The following NTNG1 variants were observed in gnomAD, a reference collection of about 807,000 sequenced individuals.
The protein encoded by NTNG1 is netrin-G1.
Under a neutral mutation model 54.0 loss-of-function variants are expected in NTNG1, and 16 were observed. The ratio of observed to expected loss-of-function variants is 0.30; its 90% CI spans 0.20 to 0.45. The LOEUF (loss-of-function observed/expected upper bound fraction) is 0.45. NTNG1 is among the 20% of genes least tolerant of loss of function. The pLI is 1.00. For synonymous variants in NTNG1, 255 were observed against 263.1 expected (o/e 0.97, Z 0.30); for missense variants, 530 against 678.7 (o/e 0.78, Z 2.43).
In NTNG1 at chr1:107,311,100, C is replaced by T. The variant is rs542214750; in HGVS notation, c.247-13182C>T. On this transcript the variant is annotated intron_variant, in intron 2 of 7. Coordinates refer to ENST00000370068, the MANE Select transcript of NTNG1 (RefSeq NM_001113226.3). The stretch of plus-strand genomic sequence containing the variant: ...ATAAAGTTTTGTTCCTTGTTCTACA[C>T]CTATTTCTACCTTATATCTGACAAT... Among the ~76,000 whole-genome samples, 18 of 152,252 alleles carry T rather than the reference C, an allele frequency of 1.2e-4. No individual in the cohort carries two copies. The South Asian group carries it at 2.7e-3, about 23-fold the overall frequency.
chr1:107,268,495 T>C (rs1557857533), intron 2 of NTNG1, among the ~76,000 whole-genome samples: 1 of 152,074 alleles, frequency 6.6e-6, no homozygotes, highest in Non-Finnish European at 1.5e-5. Flanking sequence ...TATTTTTTTT[T>C]TTTTTTGGCT....
chr1:107,199,598 C>T lies in NTNG1; in HGVS notation c.246+50759C>T, dbSNP rs1477570654. Among the ~76,000 whole-genome samples the T allele has an allele frequency of 3.3e-5, 5 of 151,920 alleles. 1 individual carries two copies. The highest frequency in any genetic ancestry group is 6.8e-3 in the Middle Eastern group (2 of 294). On this transcript the variant is annotated intron_variant, in intron 2 of 7. Coordinates refer to ENST00000370068, the MANE Select transcript of NTNG1 (RefSeq NM_001113226.3). The stretch of plus-strand genomic sequence containing the variant: ...TTCTAGATGTGTTAATTCTGAAAAG[C>T]GATTTCACAGGAAAGAAGGCTTAGA...
chr1:107,152,493 A>T (rs1654650673), intron 2 of NTNG1, among the ~76,000 whole-genome samples: 1 of 152,192 alleles, frequency 6.6e-6, no homozygotes, highest in African/African-American at 2.4e-5. Context: ...AAAAATGGCA[A>T]AATTATCTGC....
At chr1:107,407,974 G>T in intron 5 of NTNG1, 2 of 668,264 alleles carry the variant, frequency 3.0e-6, no homozygotes, top group Non-Finnish European at 5.6e-6. Context: ...AGACTCAGGT[G>T]CAATTCCTTA....
chr1:107,318,238 C>T (rs184546989), intron 2 of NTNG1, among the ~76,000 whole-genome samples: 1 of 152,234 alleles, frequency 6.6e-6, no homozygotes, highest in East Asian at 1.9e-4. Flanking sequence ...GGACATGACC[C>T]ATCTTTTTGT....
intron 7 of NTNG1, among the ~76,000 whole-genome samples, chr1:107,468,465 G>T (rs1391561446): frequency 6.6e-6 from 1 of 152,150 alleles, no homozygotes; most frequent in Non-Finnish European, 1.5e-5. Context: ...CTACCTCCTA[G>T]CCAGAATGTA....
intron 1 of NTNG1, among the ~76,000 whole-genome samples, chr1:107,145,775 T>G (rs549731228): frequency 7.5e-4 from 114 of 152,242 alleles, no homozygotes; most frequent in African/African-American, 2.2e-3. Flanking sequence ...TATCTTGCAC[T>G]CTTCTGCATT....
At chr1:107,402,066 G>A (rs539410857) in intron 4 of NTNG1, among the ~76,000 whole-genome samples, 73 of 152,274 alleles carry the variant, frequency 4.8e-4, no homozygotes, top group African/African-American at 1.6e-3. Context: ...CAGCAGCTAT[G>A]TAGGGAGATA....
chr1:107,169,948 G>C (rs994982710), intron 2 of NTNG1, among the ~76,000 whole-genome samples: 1 of 152,204 alleles, frequency 6.6e-6, no homozygotes, highest in Admixed American at 6.5e-5. Context: ...GCTGTCCACA[G>C]CTGGAATTTT....
At chr1:107,181,341 A>G (rs1252870639) in intron 2 of NTNG1, among the ~76,000 whole-genome samples, 1 of 152,190 alleles carries the variant, frequency 6.6e-6, no homozygotes, top group African/African-American at 2.4e-5. Flanking sequence ...GTTCACATCT[A>G]TCAGTTATGT....
intron 7 of NTNG1, among the ~76,000 whole-genome samples, chr1:107,467,410 T>C (rs1677677994): frequency 6.6e-6 from 1 of 152,202 alleles, no homozygotes; most frequent in South Asian, 2.1e-4. Context: ...ACTCTGACAG[T>C]CTATCTTTTA....
At chr1:107,295,551 C>A (rs1033514788) in intron 2 of NTNG1, among the ~76,000 whole-genome samples, 1 of 152,060 alleles carries the variant, frequency 6.6e-6, no homozygotes, top group African/African-American at 2.4e-5. Context: ...TAGGTCCGGT[C>A]CCCTCTTCTT....
chr1:107,280,611 T>G (rs1386571505), intron 2 of NTNG1, among the ~76,000 whole-genome samples: 1 of 151,144 alleles, frequency 6.6e-6, no homozygotes, highest in Non-Finnish European at 1.5e-5. Flanking sequence ...GGCTTTTTTT[T>G]TTTTTTTGGC....
chr1:107,327,732 C>A (rs2101888583), intron 3 of NTNG1, among the ~76,000 whole-genome samples: 2 of 152,008 alleles, frequency 1.3e-5, no homozygotes, highest in East Asian at 3.9e-4. Context: ...TGGAAATTGA[C>A]ATAAGTTATT....
chr1:107,242,257 C>T (rs544316201), intron 2 of NTNG1, among the ~76,000 whole-genome samples: 2 of 151,992 alleles, frequency 1.3e-5, no homozygotes, highest in South Asian at 2.1e-4. Flanking sequence ...CAAAGTTTGC[C>T]GTGAGGCAAG....
At chr1:107,225,671 T>C (rs1402846207) in intron 2 of NTNG1, among the ~76,000 whole-genome samples, 1 of 152,198 alleles carries the variant, frequency 6.6e-6, no homozygotes, top group African/African-American at 2.4e-5. Context: ...ATGTTAGTTA[T>C]ATTTTTCTAT....
At chr1:107,214,899 T>C (rs961842638) in intron 2 of NTNG1, among the ~76,000 whole-genome samples, 1 of 152,124 alleles carries the variant, frequency 6.6e-6, no homozygotes, top group Admixed American at 6.6e-5. Context: ...TGAGCATTGT[T>C]TCATATTTTT....
intron 2 of NTNG1, among the ~76,000 whole-genome samples, chr1:107,233,410 A>G (rs910997782): frequency 6.6e-6 from 1 of 152,228 alleles, no homozygotes. Flanking sequence ...ATGATATTCA[A>G]ACTTTTAGGT....
At chr1:107,463,533 T>TG (rs1677410028) in intron 7 of NTNG1, among the ~76,000 whole-genome samples, 3 of 151,830 alleles carry the variant, frequency 2.0e-5, no homozygotes, top group Admixed American at 2.0e-4. Context: ...ATAATAACCT[T>TG]GGTTTTTTTT....
Sources: allele counts gnomAD v4.1 joint callset (sites outside exome capture counted in the v4.1 genomes callset), GRCh38; gene constraint gnomAD v4.1.1; transcripts MANE v1.5; gene names NCBI Gene and HGNC (gene_info 2026-07-23, HGNC 2026-07-21).